The following ZNF148 variants were observed in gnomAD, a reference collection of about 807,000 sequenced individuals.
The protein encoded by ZNF148 is Beta-Enolase Repressor Factor-1.
In ZNF148, 7 loss-of-function variants were observed where a neutral mutation model predicts 67.7. The observed-to-expected ratio is 0.10, with a 90% confidence interval of 0.06 to 0.19. ZNF148 has a LOEUF of 0.19. Among genes scored for constraint, ZNF148 ranks in the 10% least tolerant of loss-of-function variants. ZNF148 has a pLI of 1.00. For synonymous variants in ZNF148, 333 were observed against 330.7 expected (o/e 1.01, Z -0.08); for missense variants, 583 against 947.1 (o/e 0.62, Z 5.05).
chr3:125,351,616 C>T (rs1180844639), intron 1 of ZNF148, among the ~76,000 whole-genome samples: 1 of 152,010 alleles, frequency 6.6e-6, no homozygotes, highest in Non-Finnish European at 1.5e-5. Context: ...AAAGTGAAAA[C>T]AACCCACAGA....
At chr3:125,242,678 T>C (rs1459200568) in intron 7 of ZNF148, among the ~76,000 whole-genome samples, 2 of 152,142 alleles carry the variant, frequency 1.3e-5, no homozygotes, top group Admixed American at 1.3e-4. Context: ...TCCTCATATA[T>C]TTGGAGCTTA....
In ZNF148 at chr3:125,360,228, A is replaced by G. The variant is rs137872381; in HGVS notation, c.-234+14874T>C. On this transcript the variant is annotated intron_variant, in intron 1 of 8. Coordinates refer to ENST00000360647, the MANE Select transcript of ZNF148 (RefSeq NM_021964.3). The stretch of plus-strand genomic sequence containing the variant: ...TCAGCTTCTCCATGTTCTATTGTCA[A>G]CAAACAATAGAACATCTTTTGTCTT... Among the ~76,000 whole-genome samples the G allele has an allele frequency of 6.1e-4, 93 of 152,138 alleles. 1 individual carries two copies. The highest frequency in any genetic ancestry group is 2.1e-3 in the African/African-American group (89 of 41,484).
intron 2 of ZNF148, among the ~76,000 whole-genome samples, chr3:125,330,597 G>A (rs1478202060): frequency 6.6e-6 from 1 of 152,044 alleles, no homozygotes; most frequent in Non-Finnish European, 1.5e-5. Flanking sequence ...GGAGGCTGAG[G>A]CAAGAGGACT....
At chr3:125,365,771 C>A (rs1342186502) in intron 1 of ZNF148, among the ~76,000 whole-genome samples, 1 of 152,112 alleles carries the variant, frequency 6.6e-6, no homozygotes, top group South Asian at 2.1e-4. Flanking sequence ...TGAGCTGCTG[C>A]GTTCACACAA....
chr3:125,345,581 TAAC>T (rs145079901), intron 1 of ZNF148, among the ~76,000 whole-genome samples: 30 of 150,698 alleles, frequency 2.0e-4, no homozygotes, highest in Admixed American at 1.6e-3. Flanking sequence ...CTATCAAAAC[TAAC>T]AACAACAACA....
At chr3:125,334,000 G>A (rs1257437697) in intron 1 of ZNF148, among the ~76,000 whole-genome samples, 1 of 152,124 alleles carries the variant, frequency 6.6e-6, no homozygotes, top group Non-Finnish European at 1.5e-5. Flanking sequence ...AATGTTAATA[G>A]ATACACAATA....
intron 7 of ZNF148, among the ~76,000 whole-genome samples, chr3:125,270,252 ATC>A (rs540806152): frequency 3.2e-4 from 49 of 152,172 alleles, no homozygotes; most frequent in Non-Finnish European, 5.4e-4. Context: ...CAGGCCTATA[ATC>A]CCAGCACTCT....
intron 2 of ZNF148, among the ~76,000 whole-genome samples, chr3:125,330,465 C>CAAAAAAATAAAAAAAAAAAAA (rs1941239326): frequency 8.4e-6 from 1 of 118,514 alleles, no homozygotes; most frequent in African/African-American, 4.1e-5. Flanking sequence ...AACCCTATCT[C>CAAAAAAATAAAAAAAAAAAAA]AAAAAAAAAA....
intron 2 of ZNF148, among the ~76,000 whole-genome samples, chr3:125,323,788 G>A (rs1042040097): frequency 6.6e-6 from 1 of 151,798 alleles, no homozygotes; most frequent in African/African-American, 2.4e-5. Flanking sequence ...ATGAAACCCC[G>A]TCTCTACTAA....
chr3:125,344,116 T>A, intron 1 of ZNF148: 1 of 223,304 alleles, frequency 4.5e-6, no homozygotes, highest in Non-Finnish European at 9.0e-6. Context: ...CTCCTAACCC[T>A]GTATGGTTAA....
chr3:125,321,403 TA>T (rs145459641), intron 3 of ZNF148, among the ~76,000 whole-genome samples: 14 of 151,620 alleles, frequency 9.2e-5, no homozygotes, highest in Non-Finnish European at 1.3e-4. Flanking sequence ...CTAAAAGCTT[TA>T]AAAAAAACTC....
chr3:125,258,422 C>CAAAAAAA (rs34739205), intron 7 of ZNF148, among the ~76,000 whole-genome samples: 2 of 56,282 alleles, frequency 3.6e-5, no homozygotes, highest in African/African-American at 7.9e-5. Flanking sequence ...GACTCCATCT[C>CAAAAAAA]AAAAAAAAAA....
chr3:125,288,228 T>C lies in ZNF148; in HGVS notation c.334A>G (p.Ile112Val). The change falls in exon 5 of 9, where the codon ATA becomes GTA. Residue 112 changes from isoleucine to valine, a missense_variant and splice_region_variant. Physicochemically the swap from Ile to Val is conservative, Grantham distance 29. Transcript: ENST00000360647. ...AAAGTAATTTCCTGCTTTACGCTTATCTGTTTAAAAAAAGAAAAGCCAATT... is the reference window on the plus strand; with the variant it reads ...AAAGTAATTTCCTGCTTTACGCTTACCTGTTTAAAAAAAGAAAAGCCAATT... ...QGLQYALNVP[I>V]SVKQEITFTD... 6.2e-7 allele frequency: 1 copy of C among 1,601,566 alleles called. No individual in the cohort carries two copies. The highest frequency in any genetic ancestry group is 1.4e-5 in the African/African-American group (1 of 73,926).
rs1280481184 is a variant in ZNF148, at chr3:125,233,805, T to C, written c.921A>G (p.Pro307=). Residue 307 remains proline, a synonymous_variant, in exon 9 of 9, where the codon CCA becomes CCG. Transcript: ENST00000360647. The surrounding 1 kb of genome is among the most constrained non-coding windows in gnomAD (Gnocchi z 5.1). The part of the protein sequence containing the change: ...SEEDSGFSTS[P]KDNSLPKKKR... ...TCTTTTTTGGCAGTGAGTTGTCTTT[T>C]GGTGATGTAGAAAAGCCAGAATCTT... The C allele has an allele frequency of 1.2e-6, 2 of 1,613,804 alleles. No individual in the cohort carries two copies. The highest frequency in any genetic ancestry group is 1.7e-6 in the Non-Finnish European group (2 of 1,179,912).
chr3:125,345,400 G>A lies in ZNF148; in HGVS notation c.-233-14162C>T, dbSNP rs1031148920. Among the ~76,000 whole-genome samples, 10 of 151,972 alleles carry A rather than the reference G, an allele frequency of 6.6e-5. No homozygotes were observed. In the South Asian group the frequency reaches 1.7e-3, roughly 25 times the overall value. ...GGGATGCAGCTAACAACAATCAGAC[G>A]CACTAAATGCTTACATTAGAAATGA... On this transcript the variant is annotated intron_variant, in intron 1 of 8. Coordinates refer to ENST00000360647, the MANE Select transcript of ZNF148 (RefSeq NM_021964.3).
chr3:125,284,247 C>T (rs2075159124), intron 5 of ZNF148, among the ~76,000 whole-genome samples: 1 of 152,120 alleles, frequency 6.6e-6, no homozygotes, highest in Non-Finnish European at 1.5e-5. Flanking sequence ...CTGTTACCTT[C>T]TAATTCATGT....
At chr3:125,351,549 T>C (rs551884251) in intron 1 of ZNF148, among the ~76,000 whole-genome samples, 43 of 152,340 alleles carry the variant, frequency 2.8e-4, no homozygotes, top group African/African-American at 9.9e-4. Flanking sequence ...TCATATTATG[T>C]ATTTTTTATT....
intron 1 of ZNF148, among the ~76,000 whole-genome samples, chr3:125,345,663 T>C (rs894007496): frequency 2.0e-5 from 3 of 152,066 alleles, no homozygotes; most frequent in Non-Finnish European, 4.4e-5. Context: ...ACAGATCCTA[T>C]AGCAGTTTTA....
chr3:125,333,709 T>C (rs1941382607), intron 1 of ZNF148, among the ~76,000 whole-genome samples: 1 of 152,248 alleles, frequency 6.6e-6, no homozygotes, highest in African/African-American at 2.4e-5. Context: ...TTAACATTTT[T>C]CTGGCTAAAT....
Sources: allele counts gnomAD v4.1 joint callset (sites outside exome capture counted in the v4.1 genomes callset), GRCh38; gene constraint gnomAD v4.1.1; non-coding constraint Gnocchi (gnomAD v3.1); transcripts MANE v1.5; gene names NCBI Gene and HGNC (gene_info 2026-07-23, HGNC 2026-07-21).